The following IDH3G variants were observed in gnomAD, a reference collection of about 807,000 sequenced individuals.
The protein encoded by IDH3G is isocitrate dehydrogenase (NAD(+)) 3 non-catalytic subunit gamma.
In IDH3G, 9 loss-of-function variants were observed where a neutral mutation model predicts 26.9. The observed-to-expected ratio is 0.34, with a 90% CI of 0.20 to 0.58. IDH3G has a LOEUF of 0.58. Among genes scored for constraint, IDH3G ranks in the 20% least tolerant of loss-of-function variants. The probability of loss-of-function intolerance (pLI) is 0.85; values close to 1 mark genes in which losing one functional copy is unlikely to be tolerated. For missense variants in IDH3G, 250 were observed against 372.8 expected (o/e 0.67, Z 2.71); for synonymous variants, 181 against 160.0 (o/e 1.13, Z -0.99).
intron 1 of IDH3G, among the ~76,000 whole-genome samples, chrX:153,791,522 A>G (rs1366548573): frequency 8.9e-6 from 1 of 112,568 alleles, no homozygotes; most frequent in Non-Finnish European, 1.9e-5. Flanking sequence ...AATGTCCCCA[A>G]CGCCCTGACT....
Position 153,787,892 on chromosome X carries a change from C to G in IDH3G, c.471G>C (p.Arg157=). The G allele has an allele frequency of 8.3e-7, 1 of 1,210,787 alleles. No homozygotes were observed. The highest frequency in any genetic ancestry group is 1.1e-6 in the Non-Finnish European group (1 of 894,417). Residue 157 remains arginine, a synonymous_variant, in exon 7 of 13, where the codon CGG becomes CGC. Transcript: ENST00000217901. ...CAATGAGGATGTCTATGTCCTTGTG[C>G]CGGGTCACCACGCCTGGAAGGCTCT... ...HCKSLPGVVT[R]HKDIDILIVR...
Position 153,786,786 on chromosome X carries a change from G to A in IDH3G, c.924+15C>T. ...GAGAAAGGCGGCAAGCCGCGGCACTGCCACCGGCACTCACTGTTTCAAACA... is the reference window on the plus strand; with the variant it reads ...GAGAAAGGCGGCAAGCCGCGGCACTACCACCGGCACTCACTGTTTCAAACA... On this transcript the variant is annotated intron_variant, in intron 10 of 12. Transcript: ENST00000217901. The A allele has an allele frequency of 8.4e-7, 1 of 1,195,528 alleles. No individual in the cohort carries two copies. The highest frequency in any genetic ancestry group is 1.8e-5 in the South Asian group (1 of 55,860).
intron 1 of IDH3G, chrX:153,791,193 G>A (rs782510066): frequency 4.6e-5 from 12 of 260,967 alleles, no homozygotes; most frequent in Admixed American, 1.2e-4. Context: ...GCAAAAACTG[G>A]CAAACTAACC....
chrX:153,789,283 C>T (rs1397326968), intron 5 of IDH3G: 6 of 319,958 alleles, frequency 1.9e-5, no homozygotes, highest in South Asian at 8.5e-5. Context: ...CGACGGCTCA[C>T]GCCTGTAATC....
Position 153,789,834 on chromosome X carries a change from G to A in IDH3G, c.234-10C>T, listed in dbSNP as rs782768313. The A allele has an allele frequency of 1.4e-5, 16 of 1,118,403 alleles. No individual in the cohort carries two copies. Among genetic ancestry groups the A allele is most frequent in the Non-Finnish European group, 1.8e-5 (15 of 818,472 alleles). 92.2% of individuals were successfully genotyped at this position (1,118,403 alleles called of 1,213,427 possible). A position where few individuals can be genotyped will look rare whatever the true frequency, so the allele number is the denominator to read the frequency against. On this transcript the variant is annotated splice_polypyrimidine_tract_variant and intron_variant, in intron 4 of 12. Transcript: ENST00000217901. ...TGGTACACATGCGTGCCTGAGGCAC[G>A]GCAGGGTCAGGGAGGCTGGCCCAGA...
chrX:153,787,732 T>C, intron 7 of IDH3G, 91 bp downstream of exon 7: 1 of 1,136,569 alleles, frequency 8.8e-7, no homozygotes, highest in Non-Finnish European at 1.2e-6. Flanking sequence ...GCACAGCCCC[T>C]GCCCTCTAAG....
At position 153,785,893 on chromosome X, in the gene IDH3G, G is replaced by A. The variant is rs782371743; in HGVS notation, c.1161C>T (p.Asn387=). 57 of 1,210,100 alleles carry A rather than the reference G, an allele frequency of 4.7e-5. No individual in the cohort carries two copies. The highest frequency in any genetic ancestry group is 4.6e-4 in the South Asian group (26 of 56,928). The change falls in exon 13 of 13, where the codon AAC becomes AAT. Residue 387 remains asparagine, a synonymous_variant. Coordinates refer to ENST00000217901, the MANE Select transcript of IDH3G (RefSeq NM_004135.4). The part of the protein sequence containing the change: ...QDVIRHIRVI[N]GRAVEA The stretch of plus-strand genomic sequence containing the variant: ...CAGCCTAGGCCTCCACGGCCCGGCC[G>A]TTGATGACGCGGATGTGGCGGATGA...
At chrX:153,788,187 A>G in intron 5 of IDH3G, 52 bp from the exon 6 acceptor site, 1 of 1,153,353 alleles carries the variant, frequency 8.7e-7, no homozygotes, top group South Asian at 1.8e-5. Flanking sequence ...GCCCCACCTC[A>G]GCAGGGCAGC....
In IDH3G at chrX:153,785,808, T is replaced by C. The variant is rs1376282639; in HGVS notation, c.*64A>G. ...TTATTCTGGGATCTGCGTACCAGGCTGGCTGGGGTGCTGGAGTGGGAAGGG... is the reference window on the plus strand; with the variant it reads ...TTATTCTGGGATCTGCGTACCAGGCCGGCTGGGGTGCTGGAGTGGGAAGGG... On this transcript the variant is annotated 3_prime_UTR_variant, in exon 13 of 13. Transcript: ENST00000217901. 1.1e-5 allele frequency: 13 copies of C among 1,151,581 alleles called. No homozygotes were observed. The highest frequency in any genetic ancestry group is 1.5e-5 in the Non-Finnish European group (13 of 845,341). 94.9% of individuals were successfully genotyped at this position (1,151,581 alleles called of 1,213,427 possible).
At chrX:153,787,728 C>A in intron 7 of IDH3G, 95 bp downstream of exon 7, 1 of 1,131,739 alleles carries the variant, frequency 8.8e-7, no homozygotes, top group Admixed American at 2.3e-5. Context: ...TCGGGCACAG[C>A]CCCTGCCCTC....
At chrX:153,786,116 C>T (rs2092086334) in intron 12 of IDH3G, 96 bp downstream of exon 12, 9 of 1,195,104 alleles carry the variant, frequency 7.5e-6, no homozygotes, top group Admixed American at 2.2e-5. Flanking sequence ...GTACCATCCT[C>T]CCCTGGGGGC....
At chrX:153,792,851 C>T (rs2092114708) in intron 1 of IDH3G, among the ~76,000 whole-genome samples, 1 of 112,489 alleles carries the variant, frequency 8.9e-6, no homozygotes, top group Non-Finnish European at 1.9e-5. Context: ...ATCAAAGGAG[C>T]CAAGTGTGAG....
chrX:153,786,538 C>T, intron 10 of IDH3G, 89 bp from the exon 11 acceptor site: 1 of 770,983 alleles, frequency 1.3e-6, no homozygotes, highest in Non-Finnish European at 1.9e-6. Flanking sequence ...GAAGAAGCCA[C>T]TCCACAGGGA....
chrX:153,789,183 T>C (rs782461055), intron 5 of IDH3G: 5 of 341,093 alleles, frequency 1.5e-5, no homozygotes, highest in Non-Finnish European at 2.9e-5. Flanking sequence ...ACGAGGGTCC[T>C]CTCTAGCCAG....
At chrX:153,788,424 C>T (rs782757477) in intron 5 of IDH3G, among the ~76,000 whole-genome samples, 2 of 112,975 alleles carry the variant, frequency 1.8e-5, no homozygotes, top group South Asian at 7.3e-4. Context: ...ATTCTCCATC[C>T]AGGCTCTGGA....
intron 1 of IDH3G, among the ~76,000 whole-genome samples, chrX:153,792,788 C>T (rs2092114308): frequency 8.9e-6 from 1 of 112,590 alleles, no homozygotes; most frequent in South Asian, 3.6e-4. Context: ...CACCTTCCTT[C>T]AGGAGGTCGC....
chrX:153,787,063 G>A lies in IDH3G; in HGVS notation c.765C>T (p.Asn255=). 2 of 1,207,521 alleles carry A rather than the reference G, an allele frequency of 1.7e-6. No individual in the cohort carries two copies. Among genetic ancestry groups the A allele is most frequent in the African/African-American group, 1.7e-5 (1 of 57,914 alleles). The change falls in exon 9 of 13, where the codon AAC becomes AAT. Residue 255 remains asparagine, a synonymous_variant. Coordinates refer to ENST00000217901, the MANE Select transcript of IDH3G (RefSeq NM_004135.4). ...GGCAGGCTAATACCTGCATGGTGGT[G>A]TTATCCACAATCATGTTCTCGAAGG... ...QITFENMIVD[N]TTMQLVSRPQ...
intron 1 of IDH3G, 96 bp downstream of exon 1, chrX:153,794,149 GC>G: frequency 1.0e-6 from 1 of 963,820 alleles, no homozygotes; most frequent in Non-Finnish European, 1.4e-6. Flanking sequence ...CCCTGGTGGG[GC>G]CCCTAGCCAA....
intron 5 of IDH3G, among the ~76,000 whole-genome samples, chrX:153,788,425 A>G (rs1418478055): frequency 4.4e-5 from 5 of 112,787 alleles, no homozygotes; most frequent in African/African-American, 6.4e-5. Context: ...TTCTCCATCC[A>G]GGCTCTGGAG....
Sources: gnomAD v4.1 joint callset for allele counts (sites outside exome capture counted in the v4.1 genomes callset) on GRCh38, gnomAD v4.1.1 for gene constraint, MANE v1.5 for transcripts, NCBI Gene and HGNC (gene_info 2026-07-23, HGNC 2026-07-21) for gene names.